SLC4A5: variants seen among roughly 807,000 people sequenced by gnomAD.
The protein encoded by SLC4A5 is solute carrier family 4 member 5, also known as electrogenic sodium bicarbonate cotransporter 4.
In SLC4A5, 96 loss-of-function variants were observed where a neutral mutation model predicts 120.4. The ratio of observed to expected loss-of-function variants is 0.80; its 90% CI spans 0.68 to 0.94. SLC4A5 has a LOEUF of 0.94. Among genes scored for constraint, SLC4A5 ranks in the 40% least tolerant of loss-of-function variants. SLC4A5 has a pLI of 0.00. For synonymous variants in SLC4A5, 550 were observed against 571.1 expected, an observed-to-expected ratio of 0.96 and a Z score of 0.53; for missense variants, 1,259 against 1,459.5, an observed-to-expected ratio of 0.86 and a Z score of 2.24.
exon 9 of SLC4A5, chr2:74,265,248 C>G: frequency 6.2e-7 from 1 of 1,614,120 alleles, no homozygotes; most frequent in Non-Finnish European, 8.5e-7. Flanking sequence ...TCTACCTTTT[C>G]TTCAAACTTT....
exon 4 of SLC4A5, chr2:74,334,034 T>A (rs971227372): frequency 1.3e-5 from 2 of 152,202 alleles, no homozygotes; most frequent in South Asian, 4.1e-4. Context: ...CACCACAGTA[T>A]GTGCAATTTT....
chr2:74,293,506 C>G (rs1483671087), intron 7 of SLC4A5, among the ~76,000 whole-genome samples: 1 of 152,108 alleles, frequency 6.6e-6, no homozygotes, highest in Non-Finnish European at 1.5e-5. Context: ...TTAGCTGGGC[C>G]TTTCCTGATG....
chr2:74,228,439 C>A (rs1573004209), intron 25 of SLC4A5, among the ~76,000 whole-genome samples: 1 of 152,138 alleles, frequency 6.6e-6, no homozygotes, highest in South Asian at 2.1e-4. Context: ...ACCAGCCTGG[C>A]CAACATGGTG....
intron 6 of SLC4A5, among the ~76,000 whole-genome samples, chr2:74,305,459 C>A (rs895416476): frequency 2.6e-5 from 4 of 152,164 alleles, no homozygotes; most frequent in Non-Finnish European, 5.9e-5. Context: ...TCTGCCCCTA[C>A]AGCTTTCCCT....
At chr2:74,229,104 C>CTTTTTTTTTTTTTTTTTTTTT (rs55689286) in intron 25 of SLC4A5, among the ~76,000 whole-genome samples, 1 of 98,590 alleles carries the variant, frequency 1.0e-5, no homozygotes, top group Non-Finnish European at 1.8e-5. Flanking sequence ...TAGATTTGAG[C>CTTTTTTTTTTTTTTTTTTTTT]TTTTTTTTTT....
intron 7 of SLC4A5, among the ~76,000 whole-genome samples, chr2:74,304,234 T>C (rs1019691320): frequency 2.6e-5 from 4 of 152,156 alleles, no homozygotes; most frequent in African/African-American, 9.7e-5. Context: ...AATCAAACCA[T>C]GAAATCAACA....
intron 7 of SLC4A5, among the ~76,000 whole-genome samples, chr2:74,294,384 G>A (rs1253854793): frequency 6.6e-6 from 1 of 152,012 alleles, no homozygotes; most frequent in African/African-American, 2.4e-5. Context: ...AAACCAAAAG[G>A]GTAAAAGGCA....
intron 30 of SLC4A5, among the ~76,000 whole-genome samples, chr2:74,221,177 C>T (rs974734229): frequency 2.0e-5 from 3 of 152,146 alleles, no homozygotes; most frequent in African/African-American, 4.8e-5. Flanking sequence ...TCTACCTAAT[C>T]TTTTATAAGA....
chr2:74,316,810 T>C (rs752905729), intron 5 of SLC4A5, among the ~76,000 whole-genome samples: 4 of 152,222 alleles, frequency 2.6e-5, no homozygotes, highest in African/African-American at 4.8e-5. Context: ...ATAGCTTTGA[T>C]TGGACAAAAG....
At chr2:74,221,365 C>T (rs963416528) in intron 30 of SLC4A5, 69 bp downstream of exon 30, 54 of 1,245,184 alleles carry the variant, frequency 4.3e-5, no homozygotes, top group Middle Eastern at 1.9e-4. Context: ...AAATCCTAGA[C>T]CCTCCACCTT....
intron 7 of SLC4A5, among the ~76,000 whole-genome samples, chr2:74,300,454 T>A (rs1358659612): frequency 6.6e-6 from 1 of 152,234 alleles, no homozygotes; most frequent in African/African-American, 2.4e-5. Context: ...CTTAAACATG[T>A]ATAATTTTGT....
Position 74,304,599 on chromosome 2 carries a change from A to G in SLC4A5, c.161T>C (p.Leu54Pro), listed in dbSNP as rs774549266. The G allele has an allele frequency of 1.2e-6, 2 of 1,614,010 alleles. No individual in the cohort carries two copies. Among genetic ancestry groups the G allele is most frequent in the East Asian group, 4.5e-5 (2 of 44,898 alleles). Residue 54 changes from leucine to proline, a missense_variant, in exon 7 of 31, where the codon CTG (leucine) becomes CCG (proline). By Grantham distance (98) the Leu-to-Pro change is moderately conservative. Transcript: ENST00000394019. Reference sequence around the variant, plus strand: ...CCGCAGGCCCCAGTGGACTTTTTGCAGGCCTGAAAGATGTCCCTTCTGGTC... The same window carrying G: ...CCGCAGGCCCCAGTGGACTTTTTGCGGGCCTGAAAGATGTCCCTTCTGGTC...
At chr2:74,227,931 C>G in intron 25 of SLC4A5, 53 bp from the exon 26 acceptor site, 1 of 1,427,484 alleles carries the variant, frequency 7.0e-7, no homozygotes, top group South Asian at 1.4e-5. Flanking sequence ...GGCCCTTGGC[C>G]ACCCTGTTCT....
chr2:74,231,238 T>A lies in SLC4A5; in HGVS notation c.2845A>T (p.Lys949Ter), dbSNP rs1670069311. Residue 949 changes from lysine (K) to a stop codon, truncating the protein, a stop_gained and splice_region_variant, in exon 25 of 31, where the codon AAG becomes TAG. Transcript: ENST00000394019. LOFTEE classifies it high-confidence loss of function. ...TAGGTGACAGTGCAGGACCTCACCT[T>A]TAGGATGGGAGCCAGGAAGACAGAG... 6.2e-7 allele frequency: 1 copy of A among 1,610,996 alleles called. No homozygotes were observed. Among genetic ancestry groups the A allele is most frequent in the Admixed American group, 1.7e-5 (1 of 59,732 alleles).
In SLC4A5 at chr2:74,232,428, C is replaced by T. The variant is rs1187414141; in HGVS notation, c.2774+41G>A. 12 of 1,584,428 alleles carry T rather than the reference C, an allele frequency of 7.6e-6. No individual in the cohort carries two copies. In the South Asian group the frequency reaches 1.4e-4, roughly 18 times the overall value. Reference sequence around the variant, plus strand: ...GCCAGCTTCTCCTCCCCGAGTGGGCCCCTCCCCATTGGGTGATCCCTAGGC... The same window carrying T: ...GCCAGCTTCTCCTCCCCGAGTGGGCTCCTCCCCATTGGGTGATCCCTAGGC... On this transcript the variant is annotated intron_variant, in intron 24 of 30. Coordinates refer to ENST00000394019, the Ensembl canonical transcript of SLC4A5.
chr2:74,242,692 GC>G (rs1354886905), intron 19 of SLC4A5, among the ~76,000 whole-genome samples: 3 of 151,380 alleles, frequency 2.0e-5, no homozygotes, highest in African/African-American at 7.3e-5. Flanking sequence ...CTCTTTTTTT[GC>G]CCAGGCTGGA....
exon 9 of SLC4A5, chr2:74,265,215 T>C: frequency 1.2e-6 from 2 of 1,614,246 alleles, no homozygotes; most frequent in Non-Finnish European, 1.7e-6. Flanking sequence ...ACGTGGGGCT[T>C]GCTCCAGCGT....
chr2:74,314,969 T>A, exon 6 of SLC4A5: 1 of 1,613,822 alleles, frequency 6.2e-7, no homozygotes, highest in Non-Finnish European at 8.5e-7. Context: ...AATCTCCTCC[T>A]GTGGTTAGTG....
intron 5 of SLC4A5, among the ~76,000 whole-genome samples, chr2:74,326,991 T>G (rs1175956009): frequency 6.6e-6 from 1 of 152,176 alleles, no homozygotes; most frequent in Non-Finnish European, 1.5e-5. Context: ...TCATCTGGTG[T>G]TTAGGTGCCC....
Sources: allele counts gnomAD v4.1 joint callset (sites outside exome capture counted in the v4.1 genomes callset), GRCh38; gene constraint gnomAD v4.1.1; transcripts MANE v1.5; gene names NCBI Gene and HGNC (gene_info 2026-07-23, HGNC 2026-07-21).